Variants in SMC6 observed in about 807,000 individuals in gnomAD.
SMC6 encodes the protein structural maintenance of chromosomes protein 6.
A neutral mutation model predicts 142.2 loss-of-function variants in SMC6; 79 were observed. The observed-to-expected ratio is 0.56, with a 90% confidence interval of 0.46 to 0.67. SMC6 has a LOEUF of 0.67. Ranked by LOEUF, SMC6 falls within the 30% of genes least tolerant of loss-of-function variation. SMC6 has a pLI of 0.00. For synonymous variants in SMC6, 411 were observed against 412.4 expected (o/e 1.00, Z 0.04); for missense variants, 1,072 against 1,284.0 (o/e 0.83, Z 2.52).
chr2:17,683,211 A>G (rs547126414), intron 24 of SMC6, among the ~76,000 whole-genome samples: 18 of 152,356 alleles, frequency 1.2e-4, no homozygotes, highest in Admixed American at 7.2e-4. Flanking sequence ...TATAGAAACT[A>G]GAGATACAGC....
At chr2:17,753,562 G>C (rs1296774804) in intron 1 of SMC6, 64 bp downstream of exon 1, 1 of 122,246 alleles carries the variant, frequency 8.2e-6, no homozygotes, top group South Asian at 2.3e-4. Context: ...GCCAGCCAAG[G>C]GGGCAGCGGG....
intron 23 of SMC6, among the ~76,000 whole-genome samples, chr2:17,685,128 G>GTA (rs1553310180): frequency 2.2e-4 from 31 of 143,712 alleles, no homozygotes; most frequent in African/African-American, 7.7e-4. Context: ...CAAGCAAAAT[G>GTA]AAAAAAAAAG....
rs892666605 is a variant in SMC6, at chr2:17,716,976, G to A, written c.1182-71C>T. 22 of 1,526,548 alleles carry A rather than the reference G, an allele frequency of 1.4e-5. No homozygotes were observed. In the Admixed American group the frequency reaches 3.3e-4, roughly 23 times the overall value. The allele number at this position is 1,526,548 out of a possible 1,614,324, so 94.6% of individuals were successfully genotyped here. On this transcript the variant is annotated intron_variant, in intron 13 of 27. Transcript: ENST00000448223. ...GCCTAACATTTAAAGAACACAAACC[G>A]ATGTAATAAAATTCCATTAACAACA...
chr2:17,740,860 AAAAC>A, intron 4 of SMC6: 1 of 229,850 alleles, frequency 4.4e-6, no homozygotes, highest in Non-Finnish European at 8.7e-6. Context: ...AAAAAAACAA[AAAAC>A]AAAAAAACAA....
chr2:17,690,999 C>A (rs1368553802), intron 23 of SMC6, among the ~76,000 whole-genome samples: 1 of 151,284 alleles, frequency 6.6e-6, no homozygotes, highest in African/African-American at 2.4e-5. Flanking sequence ...TGCGCATTCA[C>A]TTATTGTGTT....
Position 17,683,775 on chromosome 2 carries a change from A to G in SMC6, c.2679-12T>C, listed in dbSNP as rs779333168. 2 of 1,600,842 alleles carry G rather than the reference A, an allele frequency of 1.2e-6. No homozygotes were observed. Among genetic ancestry groups the G allele is most frequent in the East Asian group, 2.2e-5 (1 of 44,736 alleles). On this transcript the variant is annotated splice_polypyrimidine_tract_variant and intron_variant, in intron 23 of 27. Transcript: ENST00000448223. ...CTTCTTGGTACTGCCTATTATATAA[A>G]CAAAATATTACGTAAAAAATACACC...
intron 5 of SMC6, among the ~76,000 whole-genome samples, chr2:17,737,814 C>G (rs939358696): frequency 1.3e-5 from 2 of 152,136 alleles, no homozygotes; most frequent in Admixed American, 6.5e-5. Context: ...AAGTTTTGTG[C>G]AGGGACACTT....
At chr2:17,714,746 G>T (rs1490536182) in intron 16 of SMC6, 115 bp downstream of exon 16, 4 of 1,115,080 alleles carry the variant, frequency 3.6e-6, no homozygotes, top group Non-Finnish European at 5.1e-6. Flanking sequence ...GTGGCTTGAT[G>T]AAATTTTACA....
intron 5 of SMC6, among the ~76,000 whole-genome samples, chr2:17,732,292 GAAGT>G (rs747102653): frequency 2.8e-4 from 43 of 152,168 alleles, no homozygotes; most frequent in Non-Finnish European, 3.1e-4. Context: ...AAAGAATGAT[GAAGT>G]AAGAATTATG....
chr2:17,691,913 C>T (rs1180299448), intron 23 of SMC6, among the ~76,000 whole-genome samples: 1 of 151,448 alleles, frequency 6.6e-6, no homozygotes, highest in East Asian at 1.9e-4. Context: ...TTCTTATACA[C>T]CAGTAACAGA....
chr2:17,707,247 G>A lies in SMC6; in HGVS notation c.1978C>T (p.Leu660=), dbSNP rs772605023. ...ATTTCAGAATCCACATCTCTGCTTA[G>A]GAACTTAGGTCTTGTATTTTCAGAT... ...YSSENTRPKF[L]SRDVDSEISD... The change falls in exon 18 of 28, where the codon CTA becomes TTA. Residue 660 remains leucine, a synonymous_variant. Coordinates refer to ENST00000448223, the MANE Select transcript of SMC6 (RefSeq NM_001142286.2). The A allele has an allele frequency of 6.3e-7, 1 of 1,598,840 alleles. No homozygotes were observed. The highest frequency in any genetic ancestry group is 8.5e-7 in the Non-Finnish European group (1 of 1,173,638).
chr2:17,665,913 T>C (rs1666474287), intron 27 of SMC6, among the ~76,000 whole-genome samples: 1 of 152,222 alleles, frequency 6.6e-6, no homozygotes, highest in East Asian at 1.9e-4. Flanking sequence ...AGGAGTTACC[T>C]GGATATTCCC....
At chr2:17,744,375 A>G (rs1487189250) in intron 3 of SMC6, among the ~76,000 whole-genome samples, 1 of 152,204 alleles carries the variant, frequency 6.6e-6, no homozygotes, top group Non-Finnish European at 1.5e-5. Flanking sequence ...CCATGTGTTC[A>G]ACGCCAGTAT....
intron 8 of SMC6, among the ~76,000 whole-genome samples, chr2:17,725,855 A>G (rs915880330): frequency 1.3e-5 from 2 of 152,124 alleles, no homozygotes; most frequent in African/African-American, 4.8e-5. Flanking sequence ...TGGTAGGCCA[A>G]AGCAGGTGGA....
chr2:17,679,838 A>C (rs1434710574), intron 24 of SMC6: 1 of 152,296 alleles, frequency 6.6e-6, no homozygotes, highest in Non-Finnish European at 1.5e-5. Context: ...GGGGAATGGT[A>C]TTTAGAAAAT....
rs1307093027 is a variant in SMC6, at chr2:17,696,441, C to T, written c.2395-15G>A. 3 of 1,593,742 alleles carry T rather than the reference C, an allele frequency of 1.9e-6. No homozygotes were observed. The highest frequency in any genetic ancestry group is 1.7e-6 in the Non-Finnish European group (2 of 1,175,484). ...TTTAATTCATCCTGTTTGAACAAAG[C>T]CAGAATAAAAGATTGTTTTAAAAAA... On this transcript the variant is annotated splice_polypyrimidine_tract_variant and intron_variant, in intron 21 of 27. Transcript: ENST00000448223.
intron 25 of SMC6, among the ~76,000 whole-genome samples, chr2:17,678,090 C>T (rs533741866): frequency 4.3e-4 from 65 of 151,816 alleles, no homozygotes; most frequent in Non-Finnish European, 6.2e-4. Context: ...AAGTTGAACA[C>T]GGCAGTTTTT....
chr2:17,727,306 G>A (rs529011984), intron 7 of SMC6, among the ~76,000 whole-genome samples: 3 of 152,124 alleles, frequency 2.0e-5, no homozygotes, highest in East Asian at 1.9e-4. Context: ...TAAAGCAGGC[G>A]GAAAAAACGT....
rs752531403 is a variant in SMC6, at chr2:17,716,309, T to C, written c.1347-45A>G. The C allele has an allele frequency of 1.2e-5, 19 of 1,564,386 alleles. No homozygotes were observed. In the East Asian group the frequency reaches 4.5e-4, roughly 37 times the overall value. ...AAACAGAACATATATGTGATAGTTTTACAGAAACATTTAACCTTTGCCCAT... is the reference window on the plus strand; with the variant it reads ...AAACAGAACATATATGTGATAGTTTCACAGAAACATTTAACCTTTGCCCAT... On this transcript the variant is annotated intron_variant, in intron 14 of 27. Transcript: ENST00000448223.
Sources: allele counts gnomAD v4.1 joint callset (sites outside exome capture counted in the v4.1 genomes callset), GRCh38; gene constraint gnomAD v4.1.1; transcripts MANE v1.5; gene names NCBI Gene and HGNC (gene_info 2026-07-23, HGNC 2026-07-21).